The following CECR2 variants were observed in gnomAD, a reference collection of about 807,000 sequenced individuals.
CECR2 encodes chromatin remodeling regulator CECR2.
A neutral mutation model predicts 154.5 loss-of-function variants in CECR2; 30 were observed. The ratio of observed to expected loss-of-function variants is 0.19; its 90% CI spans 0.15 to 0.26. The LOEUF (loss-of-function observed/expected upper bound fraction) is 0.26, where lower values mean the gene tolerates loss of function less well. Among genes scored for constraint, CECR2 ranks in the 10% least tolerant of loss-of-function variants. The pLI is 1.00. For missense variants in CECR2, 1,743 were observed against 1,829.3 expected (o/e 0.95, Z 0.86); for synonymous variants, 725 against 683.7 (o/e 1.06, Z -0.94).
chr22:17,414,080 C>T lies in CECR2; in HGVS notation c.126+44171C>T, dbSNP rs533803335. Among the ~76,000 whole-genome samples, 7 of 152,196 alleles carry T rather than the reference C, an allele frequency of 4.6e-5. No homozygotes were observed. In the South Asian group the frequency reaches 1.0e-3, roughly 23 times the overall value. ...CTCCGCCTCCCAGGTTCACGCCATT[C>T]TCCTGCCTCAGCCTTCTGAGTAGCT... On this transcript the variant is annotated intron_variant, in intron 1 of 18. Transcript: ENST00000262608.
At chr22:17,436,639 AG>A (rs1404234998) in intron 1 of CECR2, among the ~76,000 whole-genome samples, 3 of 152,164 alleles carry the variant, frequency 2.0e-5, no homozygotes, top group Non-Finnish European at 4.4e-5. Context: ...ATGCTGACTG[AG>A]TTTGTCACCA....
chr22:17,499,258 G>A (rs2055691568), intron 3 of CECR2, among the ~76,000 whole-genome samples, 152 bp from the exon 4 acceptor site: 2 of 152,180 alleles, frequency 1.3e-5, no homozygotes, highest in South Asian at 4.1e-4. Context: ...CAAAGTGCTG[G>A]GATTACAGGC....
chr22:17,417,035 T>A (rs1355945194), intron 1 of CECR2, among the ~76,000 whole-genome samples: 1 of 143,256 alleles, frequency 7.0e-6, no homozygotes, highest in Non-Finnish European at 1.5e-5. Context: ...TTTTTTTTTT[T>A]ACGACAAAGG....
At chr22:17,543,259 A>T (rs1418075421) in intron 16 of CECR2, among the ~76,000 whole-genome samples, 5 of 151,800 alleles carry the variant, frequency 3.3e-5, no homozygotes, top group South Asian at 2.1e-4. Flanking sequence ...CAGCCTCCCG[A>T]GTGTCTGGGA....
At chr22:17,387,368 G>T (rs977671531) in intron 1 of CECR2, among the ~76,000 whole-genome samples, 5 of 152,188 alleles carry the variant, frequency 3.3e-5, no homozygotes, top group Non-Finnish European at 5.9e-5. Context: ...ATTCTTGGGA[G>T]CGTAACCTAG....
chr22:17,552,801 T>C (rs895510720), intron 18 of CECR2, 34 bp from the exon 19 acceptor site: 13 of 1,450,674 alleles, frequency 9.0e-6, no homozygotes, highest in Non-Finnish European at 1.2e-5. Flanking sequence ...AACCCAATTT[T>C]TATTTTTGTT....
intron 14 of CECR2, among the ~76,000 whole-genome samples, 152 bp from the exon 15 acceptor site, chr22:17,541,687 A>G (rs756702765): frequency 2.0e-5 from 3 of 152,184 alleles, no homozygotes; most frequent in Non-Finnish European, 2.9e-5. Flanking sequence ...GATGCGGGTG[A>G]GCACGTGTGT....
intron 1 of CECR2, chr22:17,418,870 C>T (rs56295925): frequency 0.18 from 28,723 of 163,366 alleles, 3,161 homozygotes; most frequent in African/African-American, 0.32. Flanking sequence ...TCCAGGAGCC[C>T]GGGAGGCGCG....
At chr22:17,454,387 C>T (rs1372512744) in intron 1 of CECR2, among the ~76,000 whole-genome samples, 5 of 151,300 alleles carry the variant, frequency 3.3e-5, no homozygotes, top group South Asian at 2.1e-4. Context: ...GGTGGATCCA[C>T]GAGGTCAGGA....
chr22:17,505,725 A>T (rs960129139), intron 7 of CECR2, among the ~76,000 whole-genome samples: 12 of 150,182 alleles, frequency 8.0e-5, no homozygotes, highest in Admixed American at 6.0e-4. Context: ...TTTAGTAGAG[A>T]CAGGGTTTCA....
chr22:17,414,871 T>A (rs2054133725), intron 1 of CECR2, among the ~76,000 whole-genome samples: 1 of 152,230 alleles, frequency 6.6e-6, no homozygotes, highest in Admixed American at 6.5e-5. Context: ...ATCTTGAGCC[T>A]TTCTTAGTGG....
At chr22:17,511,094 T>A (rs1227650590) in intron 7 of CECR2, among the ~76,000 whole-genome samples, 1 of 152,234 alleles carries the variant, frequency 6.6e-6, no homozygotes, top group Non-Finnish European at 1.5e-5. Context: ...ACGGAAGTTA[T>A]GTTATCTTAA....
chr22:17,465,763 G>A (rs1037284948), intron 1 of CECR2, among the ~76,000 whole-genome samples: 1 of 152,104 alleles, frequency 6.6e-6, no homozygotes, highest in Non-Finnish European at 1.5e-5. Flanking sequence ...GATTACAGGC[G>A]TGAGCCATCA....
At chr22:17,521,070 G>A (rs1191855275) in intron 8 of CECR2, among the ~76,000 whole-genome samples, 7 of 152,126 alleles carry the variant, frequency 4.6e-5, no homozygotes, top group East Asian at 3.8e-4. Context: ...GCGTAAAAGC[G>A]TTCCTATTTC....
At chr22:17,444,592 C>G (rs2054631516) in intron 1 of CECR2, among the ~76,000 whole-genome samples, 1 of 151,976 alleles carries the variant, frequency 6.6e-6, no homozygotes, top group South Asian at 2.1e-4. Flanking sequence ...GCACTCTAGC[C>G]TGGGCGACAA....
chr22:17,508,450 C>T (rs1040296129), intron 7 of CECR2, among the ~76,000 whole-genome samples: 4 of 152,088 alleles, frequency 2.6e-5, no homozygotes, highest in Non-Finnish European at 2.9e-5. Flanking sequence ...TTTAGATACA[C>T]AAATACTTTA....
In CECR2 at chr22:17,542,388, C is replaced by G. The variant is rs753849827; in HGVS notation, c.2245C>G (p.Pro749Ala). 1.2e-6 allele frequency: 2 copies of G among 1,613,770 alleles called. No homozygotes were observed. Among genetic ancestry groups the G allele is most frequent in the Non-Finnish European group, 1.7e-6 (2 of 1,179,874 alleles). Residue 749 changes from proline (P) to alanine (A), a missense_variant, in exon 16 of 19, where the codon CCT becomes GCT. By Grantham distance (27) the Pro-to-Ala change is conservative. Around this residue, in one of 4 missense-constraint regions of CECR2, gnomAD observed 1,250 missense variants for 1,192.1 expected, o/e 1.05. Transcript: ENST00000262608. Reference sequence around the variant, plus strand: ...GGCTCCAGCCCGGCCACCAGACTTTCCTGAAAGCTCAGAAATTCCTCCCAG... The same window carrying G: ...GGCTCCAGCCCGGCCACCAGACTTTGCTGAAAGCTCAGAAATTCCTCCCAG... ...GGAPARPPDF[P>A]ESSEIPPSHM...
At chr22:17,513,643 C>A (rs1225115383) in intron 8 of CECR2, among the ~76,000 whole-genome samples, 2 of 152,206 alleles carry the variant, frequency 1.3e-5, no homozygotes, top group Admixed American at 1.3e-4. Context: ...GTATCCTCTT[C>A]CTCCTAGCAG....
At chr22:17,493,223 C>G (rs193210157) in intron 2 of CECR2, among the ~76,000 whole-genome samples, 5 of 152,282 alleles carry the variant, frequency 3.3e-5, no homozygotes, top group African/African-American at 4.8e-5. Context: ...CTGCCCATCT[C>G]GGCCTCCCAA....
Sources: allele counts gnomAD v4.1 joint callset (sites outside exome capture counted in the v4.1 genomes callset), GRCh38; gene constraint gnomAD v4.1.1; regional missense constraint gnomAD v4.1.1; transcripts MANE v1.5; gene names NCBI Gene and HGNC (gene_info 2026-07-23, HGNC 2026-07-21).